Variants in NID1 observed in about 807,000 individuals in gnomAD.
NID1 encodes nidogen-1.
A neutral mutation model predicts 130.6 loss-of-function variants in NID1; 76 were observed. The ratio of observed to expected loss-of-function variants is 0.58; its 90% CI spans 0.48 to 0.70. The LOEUF (loss-of-function observed/expected upper bound fraction) is 0.70. Ranked by LOEUF, NID1 falls within the 30% of genes least tolerant of loss-of-function variation. The pLI is 0.00. For missense variants in NID1, 1,517 were observed against 1,664.8 expected (o/e 0.91, Z 1.54); for synonymous variants, 665 against 675.1 (o/e 0.98, Z 0.23).
At chr1:235,997,315 A>G (rs1193209172) in intron 12 of NID1, among the ~76,000 whole-genome samples, 2 of 152,202 alleles carry the variant, frequency 1.3e-5, no homozygotes, top group South Asian at 2.1e-4. Context: ...TCATACCTCA[A>G]TGAATGAGTG....
rs748364420 is a variant in NID1, at chr1:236,065,009, C to T, written c.71G>A (p.Gly24Glu). 1.3e-6 allele frequency: 2 copies of T among 1,563,572 alleles called. No homozygotes were observed. The highest frequency in any genetic ancestry group is 1.9e-5 in the Admixed American group (1 of 52,684). Residue 24 changes from glycine (G) to glutamate (E), a missense_variant, in exon 1 of 20, where the codon GGG (glycine) becomes GAG (glutamate). Transcript: ENST00000264187. The surrounding 1 kb of genome is among the most constrained non-coding windows in gnomAD (Gnocchi z 4.1). ...CTGGCGGCTCAGGCAGCCCACAGGC[C>T]CCGCCAGCAGCAGCGGCAGCAGCAG... ...RALLLPLLLA[G>E]PVGCLSRQEL...
intron 4 of NID1, among the ~76,000 whole-genome samples, chr1:236,041,456 A>G (rs1228164211): frequency 3.9e-5 from 6 of 152,212 alleles, no homozygotes; most frequent in African/African-American, 1.4e-4. Flanking sequence ...CTGGGAAGAA[A>G]AATAATCAAC....
chr1:235,980,097 G>C, intron 17 of NID1, 152 bp from the exon 18 acceptor site: 1 of 931,990 alleles, frequency 1.1e-6, no homozygotes, highest in Non-Finnish European at 1.6e-6. Context: ...TTAAAAACTG[G>C]CAAGTTGTCT....
chr1:236,039,731 A>G (rs941661385), intron 4 of NID1, among the ~76,000 whole-genome samples: 16 of 152,348 alleles, frequency 1.1e-4, no homozygotes, highest in African/African-American at 3.8e-4. Flanking sequence ...GTTTAAACCC[A>G]GGTAGACTCT....
intron 19 of NID1, among the ~76,000 whole-genome samples, chr1:235,978,335 C>G (rs1055102482): frequency 1.3e-5 from 2 of 152,176 alleles, no homozygotes; most frequent in African/African-American, 4.8e-5. Context: ...GCTTGCACTC[C>G]TAGCTTCACA....
Position 235,976,508 on chromosome 1 carries a change from T to A in NID1, c.*1359A>T, listed in dbSNP as rs2103358111. 1 of 152,302 alleles carries A rather than the reference T, an allele frequency of 6.6e-6. No individual in the cohort carries two copies. The highest frequency in any genetic ancestry group is 3.4e-3 in the Middle Eastern group (1 of 294). The allele number at this position is 152,302 out of a possible 1,614,324, so 9.4% of individuals were successfully genotyped here. ...CTTTTTTGTGATACTTTTCATTGAATCATCTCGACTCCTTTATCCCATCCT... is the reference window on the plus strand; with the variant it reads ...CTTTTTTGTGATACTTTTCATTGAAACATCTCGACTCCTTTATCCCATCCT... On this transcript the variant is annotated 3_prime_UTR_variant, in exon 20 of 20. Transcript: ENST00000264187.
intron 1 of NID1, among the ~76,000 whole-genome samples, chr1:236,051,031 C>T (rs1572621233): frequency 6.6e-6 from 1 of 151,778 alleles, no homozygotes; most frequent in South Asian, 2.1e-4. Flanking sequence ...TGCAGTGAGC[C>T]GAGATTGCAC....
At position 236,042,108 on chromosome 1, in the gene NID1, A is replaced by C. The variant is rs769397447; in HGVS notation, c.937T>G (p.Phe313Val). 7 of 1,614,168 alleles carry C rather than the reference A, an allele frequency of 4.3e-6. No individual in the cohort carries two copies. Among genetic ancestry groups the C allele is most frequent in the Non-Finnish European group, 5.1e-6 (6 of 1,180,034 alleles). The change falls in exon 4 of 20, where the codon TTC becomes GTC. Residue 313 changes from phenylalanine to valine, a missense_variant. Transcript: ENST00000264187. Reference protein sequence around the residue: ...LGLEDVGTTPFSYKALRRGGA... With the variant: ...LGLEDVGTTPVSYKALRRGGA... Reference sequence around the variant, plus strand: ...CCCCTTCTCAGAGCCTTGTAGGAGAAGGGCGTGGTGCCCACATCCTCCAGG... The same window carrying C: ...CCCCTTCTCAGAGCCTTGTAGGAGACGGGCGTGGTGCCCACATCCTCCAGG...
chr1:236,019,922 G>A (rs546446220), intron 9 of NID1, among the ~76,000 whole-genome samples: 7 of 151,598 alleles, frequency 4.6e-5, no homozygotes, highest in South Asian at 2.1e-4. Flanking sequence ...CTGTAATTCC[G>A]GCAATCCGGG....
At chr1:235,991,732 C>T (rs1220264015) in intron 13 of NID1, among the ~76,000 whole-genome samples, 8 of 152,168 alleles carry the variant, frequency 5.3e-5, no homozygotes, top group East Asian at 1.9e-4. Context: ...GCAGCACCAG[C>T]GGTAGCACAA....
chr1:235,992,208 G>T (rs1657769265), intron 13 of NID1, among the ~76,000 whole-genome samples: 1 of 152,168 alleles, frequency 6.6e-6, no homozygotes. Context: ...AGCTGGACAA[G>T]GTTGTCCCCA....
intron 1 of NID1, among the ~76,000 whole-genome samples, chr1:236,051,151 T>G (rs958417366): frequency 4.6e-5 from 7 of 152,106 alleles, no homozygotes; most frequent in Non-Finnish European, 1.0e-4. Flanking sequence ...TGGCACTTTA[T>G]TTTGCTCTTT....
intron 12 of NID1, among the ~76,000 whole-genome samples, chr1:236,001,477 G>C (rs1399051905): frequency 6.6e-6 from 1 of 152,132 alleles, no homozygotes; most frequent in Non-Finnish European, 1.5e-5. Flanking sequence ...GTCCAAGCAA[G>C]ACTGCCAAAT....
chr1:236,030,077 T>G (rs944990270), intron 6 of NID1, among the ~76,000 whole-genome samples: 3 of 152,166 alleles, frequency 2.0e-5, no homozygotes, highest in Non-Finnish European at 4.4e-5. Flanking sequence ...GTAAGCTACT[T>G]AACTCCTGTG....
intron 5 of NID1, among the ~76,000 whole-genome samples, chr1:236,034,833 G>T (rs1044107792): frequency 6.6e-6 from 1 of 151,886 alleles, no homozygotes; most frequent in Non-Finnish European, 1.5e-5. Flanking sequence ...GAAAACAAAG[G>T]TTACATTGCA....
chr1:236,003,291 G>A (rs9726926), intron 12 of NID1, among the ~76,000 whole-genome samples: 45,778 of 91,196 alleles, frequency 0.5, 15,462 homozygotes, highest in East Asian at 0.78. Flanking sequence ...GGGTGGAGAC[G>A]TTTTACTGTT....
chr1:236,029,901 A>G, intron 6 of NID1, 151 bp from the exon 7 acceptor site: 1 of 710,574 alleles, frequency 1.4e-6, no homozygotes, highest in East Asian at 2.7e-5. Flanking sequence ...CACTGAAGAC[A>G]GAGCTCAGAC....
chr1:236,025,950 G>A lies in NID1; in HGVS notation c.1930C>T (p.Gln644Ter), dbSNP rs1658916452. ...SVDSVFVLYN[Q>*]EEKILRYALS... ...GCATAGCGCAAGATCTTCTCCTCCT[G>A]GTTGTACAGGACGAACACGCTGTCC... Residue 644 changes from glutamine to a stop codon, truncating the protein, a stop_gained, in exon 8 of 20, where the codon CAG becomes TAG. Transcript: ENST00000264187. LOFTEE classifies it high-confidence loss of function. 8.1e-6 allele frequency: 13 copies of A among 1,613,918 alleles called. No individual in the cohort carries two copies. The highest frequency in any genetic ancestry group is 1.1e-5 in the Non-Finnish European group (13 of 1,180,018).
intron 12 of NID1, among the ~76,000 whole-genome samples, chr1:235,995,268 G>A (rs1479957705): frequency 6.6e-6 from 1 of 152,218 alleles, no homozygotes; most frequent in East Asian, 1.9e-4. Context: ...GGTATTATAA[G>A]TGATCTAGAG....
Sources: gnomAD v4.1 joint callset for allele counts (sites outside exome capture counted in the v4.1 genomes callset) on GRCh38, gnomAD v4.1.1 for gene constraint, Gnocchi (gnomAD v3.1) non-coding constraint, MANE v1.5 for transcripts, NCBI Gene and HGNC (gene_info 2026-07-23, HGNC 2026-07-21) for gene names.